TEX11: variants seen among roughly 807,000 people sequenced by gnomAD.
The protein encoded by TEX11 is testis expressed 11, also known as testis-expressed protein 11.
A neutral mutation model predicts 84.4 loss-of-function variants in TEX11; 7 were observed. That is an observed-to-expected ratio of 0.08 (90% CI 0.05 to 0.16). The LOEUF is 0.16. Among genes scored for constraint, TEX11 ranks in the 10% least tolerant of loss-of-function variants. The pLI, the probability that TEX11 is intolerant of heterozygous loss-of-function variation, is 1.00. For missense variants in TEX11, 551 were observed against 660.5 expected (o/e 0.83, Z 1.82); for synonymous variants, 264 against 222.8 (o/e 1.18, Z -1.64).
chrX:70,576,468 G>T (rs981134044), intron 25 of TEX11, among the ~76,000 whole-genome samples: 1 of 112,188 alleles, frequency 8.9e-6, no homozygotes, highest in African/African-American at 3.2e-5. Context: ...AAAGTACTAT[G>T]TATTCATTGA....
intron 28 of TEX11, among the ~76,000 whole-genome samples, chrX:70,538,287 G>A (rs2087988442): frequency 2.7e-5 from 3 of 110,814 alleles, no homozygotes; most frequent in Non-Finnish European, 5.7e-5. Flanking sequence ...TGAGGGAAAG[G>A]GAGTGATAGA....
chrX:70,833,175 C>A (rs2091386204), intron 8 of TEX11, among the ~76,000 whole-genome samples: 1 of 107,807 alleles, frequency 9.3e-6, no homozygotes, highest in African/African-American at 3.4e-5. Context: ...GAGGCTGAGG[C>A]ACAAGAATCA....
At chrX:70,760,216 C>G (rs1363033278) in intron 9 of TEX11, among the ~76,000 whole-genome samples, 1 of 111,575 alleles carries the variant, frequency 9.0e-6, no homozygotes, top group Non-Finnish European at 1.9e-5. Context: ...TCAATGCCAT[C>G]CCCATCAAGC....
At chrX:70,735,815 G>A (rs751455949) in intron 11 of TEX11, among the ~76,000 whole-genome samples, 1 of 111,711 alleles carries the variant, frequency 9.0e-6, no homozygotes, top group Non-Finnish European at 1.9e-5. Context: ...GATGTAAAGT[G>A]GTTTCTCATT....
intron 23 of TEX11, among the ~76,000 whole-genome samples, chrX:70,605,850 C>T (rs1388866154): frequency 9.0e-6 from 1 of 111,002 alleles, no homozygotes; most frequent in African/African-American, 3.3e-5. Context: ...GTGATTTTTC[C>T]CCTGGCAAAT....
chrX:70,725,437 A>T (rs2090592267), intron 11 of TEX11, 94 bp from the exon 12 acceptor site: 1 of 512,950 alleles, frequency 1.9e-6, no homozygotes, highest in Non-Finnish European at 3.2e-6. Flanking sequence ...CCACCTTGGG[A>T]TAACTCATAA....
chrX:70,555,175 C>T (rs2088270084), intron 25 of TEX11, among the ~76,000 whole-genome samples: 1 of 111,834 alleles, frequency 8.9e-6, no homozygotes, highest in Non-Finnish European at 1.9e-5. Context: ...CTGGTGCTCA[C>T]TCTAATGGCC....
chrX:70,600,297 T>C (rs750454026), intron 24 of TEX11, among the ~76,000 whole-genome samples: 21 of 111,920 alleles, frequency 1.9e-4, no homozygotes, highest in Admixed American at 1.7e-3. Context: ...TTCGTGTGTT[T>C]TTTGGCTGCA....
chrX:70,820,230 T>A (rs2091311537), intron 8 of TEX11, among the ~76,000 whole-genome samples: 1 of 111,435 alleles, frequency 9.0e-6, no homozygotes, highest in Admixed American at 9.6e-5. Context: ...TATACACTAA[T>A]GGAATAGAAT....
At chrX:70,803,227 G>T in intron 9 of TEX11, among the ~76,000 whole-genome samples, 2 of 112,225 alleles carry the variant, frequency 1.8e-5, no homozygotes, top group Middle Eastern at 4.6e-3. Context: ...ATTTTATAAA[G>T]GTCTAAGAGA....
chrX:70,738,254 G>T (rs773092801), intron 11 of TEX11, among the ~76,000 whole-genome samples: 1 of 110,889 alleles, frequency 9.0e-6, no homozygotes, highest in Non-Finnish European at 1.9e-5. Flanking sequence ...AAATTTATAA[G>T]AAAAAAACAA....
At chrX:70,591,463 C>T (rs2088928830) in intron 25 of TEX11, among the ~76,000 whole-genome samples, 1 of 110,036 alleles carries the variant, frequency 9.1e-6, no homozygotes, top group Admixed American at 9.7e-5. Context: ...TTTAGCCAGG[C>T]GTTGTAGTGC....
chrX:70,546,540 T>A (rs4844239), intron 28 of TEX11, among the ~76,000 whole-genome samples: 8,552 of 110,929 alleles, frequency 0.077, 408 homozygotes, highest in Admixed American at 0.25. Flanking sequence ...CTCTTATAAC[T>A]CAATAAAAAA....
chrX:70,549,523 C>T (rs749923594), intron 28 of TEX11, among the ~76,000 whole-genome samples: 3 of 111,344 alleles, frequency 2.7e-5, no homozygotes, highest in African/African-American at 9.8e-5. Context: ...TGTCCTGGGC[C>T]AGAGAGGAGC....
chrX:70,578,183 T>G (rs369820487), intron 25 of TEX11, among the ~76,000 whole-genome samples: 1 of 112,512 alleles, frequency 8.9e-6, no homozygotes, highest in Admixed American at 9.4e-5. Flanking sequence ...AGAAATTTGT[T>G]GAATCTCTGC....
At chrX:70,692,179 G>C (rs2090241227) in intron 13 of TEX11, among the ~76,000 whole-genome samples, 1 of 111,524 alleles carries the variant, frequency 9.0e-6, no homozygotes, top group Non-Finnish European at 1.9e-5. Flanking sequence ...TTTGACATAT[G>C]TGCACACTCA....
At chrX:70,717,610 C>T (rs1444427784) in intron 13 of TEX11, among the ~76,000 whole-genome samples, 5 of 111,996 alleles carry the variant, frequency 4.5e-5, no homozygotes, top group East Asian at 2.8e-4. Context: ...TAAGCCACCA[C>T]GCCTGGCCAC....
intron 3 of TEX11, among the ~76,000 whole-genome samples, chrX:70,878,626 G>GT (rs923390595): frequency 9.5e-6 from 1 of 104,957 alleles, no homozygotes; most frequent in African/African-American, 3.5e-5. Context: ...TTTAAAAAAA[G>GT]TAAAAAAAAA....
chrX:70,820,609 T>C (rs1175656886), intron 8 of TEX11, among the ~76,000 whole-genome samples: 1 of 111,285 alleles, frequency 9.0e-6, no homozygotes, highest in Non-Finnish European at 1.9e-5. Context: ...GGTGAGAGCC[T>C]CAGGAAGGCA....
Sources: allele counts gnomAD v4.1 joint callset (sites outside exome capture counted in the v4.1 genomes callset), GRCh38; gene constraint gnomAD v4.1.1; transcripts MANE v1.5; gene names NCBI Gene and HGNC (gene_info 2026-07-23, HGNC 2026-07-21).